SNX29: variants seen among roughly 807,000 people sequenced by gnomAD.
The protein encoded by SNX29 is sorting nexin-29.
Under a neutral mutation model 102.1 loss-of-function variants are expected in SNX29, and 78 were observed. The ratio of observed to expected loss-of-function variants is 0.76; its 90% CI spans 0.64 to 0.92. The LOEUF (loss-of-function observed/expected upper bound fraction) is 0.92, where lower values mean the gene tolerates loss of function less well. SNX29 is among the 40% of genes least tolerant of loss of function. The pLI, the probability that SNX29 is intolerant of heterozygous loss-of-function variation, is 0.00. For synonymous variants in SNX29, 580 were observed against 414.5 expected, an observed-to-expected ratio of 1.40 and a Z score of -4.85; for missense variants, 1,280 against 1,061.7, an observed-to-expected ratio of 1.21 and a Z score of -2.86.
intron 18 of SNX29, among the ~76,000 whole-genome samples, chr16:12,463,127 T>A (rs2086883067): frequency 6.6e-6 from 1 of 152,220 alleles, no homozygotes; most frequent in Non-Finnish European, 1.5e-5. Flanking sequence ...GCCAGGCTCC[T>A]GGGCACTGCT....
chr16:12,186,495 G>T (rs1040567384), intron 13 of SNX29, among the ~76,000 whole-genome samples: 16 of 152,170 alleles, frequency 1.1e-4, no homozygotes, highest in Non-Finnish European at 2.1e-4. Context: ...TTACACGACC[G>T]CAGTGTGATG....
intron 14 of SNX29, among the ~76,000 whole-genome samples, chr16:12,219,906 C>A (rs2077429292): frequency 6.6e-6 from 1 of 152,214 alleles, no homozygotes; most frequent in Non-Finnish European, 1.5e-5. Flanking sequence ...CCCCTCACTC[C>A]ACAGCCCCCC....
At position 12,398,499 on chromosome 16, in the gene SNX29, A is replaced by G; in HGVS notation, c.1953A>G (p.Glu651=). Residue 651 remains glutamate, a splice_region_variant and synonymous_variant, in exon 17 of 21, where the codon GAA becomes GAG. Transcript: ENST00000566228. Reference sequence around the variant, plus strand: ...AAGACCAGAGTTTGTCGGATTTTGAAATGTAAGTCCACAGCCTGTGCTCAC... The same window carrying G: ...AAGACCAGAGTTTGTCGGATTTTGAGATGTAAGTCCACAGCCTGTGCTCAC... ...TSEDQSLSDF[E]ISNRALINVW... 12 of 1,613,958 alleles carry G rather than the reference A, an allele frequency of 7.4e-6. No individual in the cohort carries two copies. Among genetic ancestry groups the G allele is most frequent in the Non-Finnish European group, 1.0e-5 (12 of 1,179,854 alleles).
chr16:12,272,896 C>CT (rs1416495986), intron 14 of SNX29, among the ~76,000 whole-genome samples: 19 of 152,184 alleles, frequency 1.2e-4, no homozygotes, highest in African/African-American at 4.3e-4. Flanking sequence ...GGAAGGGTAA[C>CT]TGTCTTTGAC....
chr16:12,473,528 C>G (rs887946864), intron 18 of SNX29, among the ~76,000 whole-genome samples: 1 of 152,178 alleles, frequency 6.6e-6, no homozygotes, highest in Non-Finnish European at 1.5e-5. Flanking sequence ...GCAGAGCAGC[C>G]TGCTGTTGTC....
chr16:12,005,717 T>G (rs1471685410), intron 3 of SNX29, among the ~76,000 whole-genome samples: 1 of 152,192 alleles, frequency 6.6e-6, no homozygotes, highest in Non-Finnish European at 1.5e-5. Context: ...AACCCGAAAT[T>G]CAAAATGCTC....
At chr16:11,979,168 G>C (rs963520034) in intron 1 of SNX29, among the ~76,000 whole-genome samples, 1 of 150,116 alleles carries the variant, frequency 6.7e-6, no homozygotes, top group Non-Finnish European at 1.5e-5. Context: ...GCAGCTACTC[G>C]GGAGGCTGAG....
chr16:12,120,190 A>G (rs756832060), intron 11 of SNX29, among the ~76,000 whole-genome samples: 1 of 152,204 alleles, frequency 6.6e-6, no homozygotes, highest in Non-Finnish European at 1.5e-5. Flanking sequence ...ACAAAGATAT[A>G]AAAAGCAGGA....
chr16:12,565,721 C>T (rs555538516), intron 20 of SNX29, among the ~76,000 whole-genome samples: 3 of 152,198 alleles, frequency 2.0e-5, no homozygotes, highest in Admixed American at 6.5e-5. Context: ...CGGGTCTGCC[C>T]GGCTACAAGT....
At chr16:12,554,382 GC>G (rs1555456752) in intron 20 of SNX29, among the ~76,000 whole-genome samples, 2 of 88,890 alleles carry the variant, frequency 2.2e-5, no homozygotes, top group South Asian at 4.6e-4. Context: ...GTGTTTCTGT[GC>G]CCCGTGCATG....
intron 20 of SNX29, among the ~76,000 whole-genome samples, chr16:12,532,559 G>A (rs2076960482): frequency 6.6e-6 from 1 of 152,236 alleles, no homozygotes; most frequent in South Asian, 2.1e-4. Flanking sequence ...CTAAGAACTT[G>A]CAGGAATTCT....
chr16:12,174,532 A>G (rs1346062537), intron 13 of SNX29, among the ~76,000 whole-genome samples: 5 of 152,052 alleles, frequency 3.3e-5, no homozygotes, highest in South Asian at 2.1e-4. Context: ...ATTTTGGCCA[A>G]CTCTGCAGCG....
intron 5 of SNX29, 54 bp downstream of exon 5, chr16:12,043,131 G>A (rs1400218969): frequency 1.4e-5 from 22 of 1,596,102 alleles, no homozygotes; most frequent in Non-Finnish European, 5.1e-6. Flanking sequence ...TGAAGATCTT[G>A]GAGTCTGGAA....
chr16:12,411,727 A>G (rs2151547819), intron 18 of SNX29, among the ~76,000 whole-genome samples: 2 of 152,270 alleles, frequency 1.3e-5, no homozygotes, highest in Middle Eastern at 6.8e-3. Flanking sequence ...TGTGTGGGGT[A>G]AAGGTAGCCT....
chr16:12,164,978 G>A (rs889712527), intron 13 of SNX29, among the ~76,000 whole-genome samples: 3 of 152,040 alleles, frequency 2.0e-5, no homozygotes, highest in South Asian at 2.1e-4. Flanking sequence ...GTGAGCCACC[G>A]CACCCGGCCT....
chr16:12,149,215 T>G (rs1391956278), intron 13 of SNX29, among the ~76,000 whole-genome samples: 1 of 152,186 alleles, frequency 6.6e-6, no homozygotes, highest in East Asian at 1.9e-4. Context: ...CTGACACCTG[T>G]GTTCTTGGCA....
At chr16:12,448,164 C>G (rs1244259599) in intron 18 of SNX29, among the ~76,000 whole-genome samples, 1 of 152,176 alleles carries the variant, frequency 6.6e-6, no homozygotes, top group African/African-American at 2.4e-5. Flanking sequence ...AGCAAGGTGA[C>G]CAAGGACACA....
intron 14 of SNX29, among the ~76,000 whole-genome samples, chr16:12,246,569 A>T (rs2078265857): frequency 6.6e-6 from 1 of 152,110 alleles, no homozygotes; most frequent in African/African-American, 2.4e-5. Context: ...TGGACCTGGG[A>T]GGCGAAGTTG....
At chr16:12,412,130 G>C (rs2062657768) in intron 18 of SNX29, among the ~76,000 whole-genome samples, 1 of 152,210 alleles carries the variant, frequency 6.6e-6, no homozygotes, top group South Asian at 2.1e-4. Flanking sequence ...GGAGGGGTGG[G>C]AGAGCCGGCC....
Sources: allele counts gnomAD v4.1 joint callset (sites outside exome capture counted in the v4.1 genomes callset), GRCh38; gene constraint gnomAD v4.1.1; transcripts MANE v1.5; gene names NCBI Gene and HGNC (gene_info 2026-07-23, HGNC 2026-07-21).